Variants in HARS1 observed in about 807,000 individuals in gnomAD.
The protein encoded by HARS1 is histidyl-tRNA synthetase 1, also known as histidine--tRNA ligase, cytoplasmic.
Under a neutral mutation model 63.6 loss-of-function variants are expected in HARS1, and 45 were observed. The observed-to-expected ratio is 0.71, with a 90% CI of 0.56 to 0.91. The LOEUF (loss-of-function observed/expected upper bound fraction) is 0.91. Ranked by LOEUF, HARS1 falls within the 40% of genes least tolerant of loss-of-function variation. The pLI, the probability that HARS1 is intolerant of heterozygous loss-of-function variation, is 0.00. For missense variants in HARS1, 508 were observed against 643.2 expected, an observed-to-expected ratio of 0.79 and a Z score of 2.27; for synonymous variants, 205 against 247.1, an observed-to-expected ratio of 0.83 and a Z score of 1.60.
intron 1 of HARS1, 123 bp downstream of exon 1, chr5:140,691,092 G>A (rs946030995): frequency 1.8e-5 from 17 of 919,518 alleles, no homozygotes; most frequent in Non-Finnish European, 2.6e-5. Flanking sequence ...TCCCCACGCA[G>A]CCCACTCTCC....
In HARS1 at chr5:140,678,994, A is replaced by G. The variant is rs1408058796; in HGVS notation, c.522+8T>C. 14 of 1,613,144 alleles carry G rather than the reference A, an allele frequency of 8.7e-6. No individual in the cohort carries two copies. The highest frequency in any genetic ancestry group is 2.7e-5 in the African/African-American group (2 of 74,862). ...ACTCATCCTGCCCCACGGTTTCCCA[A>G]CACTCACACACTGGTAGAATTCCCG... On this transcript the variant is annotated splice_region_variant and intron_variant, in intron 5 of 12. Coordinates refer to ENST00000504156, the MANE Select transcript of HARS1 (RefSeq NM_002109.6).
chr5:140,680,733 C>T (rs1048824385), intron 3 of HARS1, among the ~76,000 whole-genome samples: 38 of 151,380 alleles, frequency 2.5e-4, no homozygotes, highest in East Asian at 2.0e-4. Flanking sequence ...CCCAGCTATT[C>T]GGAGGCTTAG....
chr5:140,674,347 G>A lies in HARS1; in HGVS notation c.1459-19C>T. ...CATCCACCTGGCCAGGATGGGAGAAGAAGGTGGTATAAGCATCTTCCATTC... is the reference window on the plus strand; with the variant it reads ...CATCCACCTGGCCAGGATGGGAGAAAAAGGTGGTATAAGCATCTTCCATTC... On this transcript the variant is annotated intron_variant, in intron 12 of 12. Transcript: ENST00000504156. The A allele has an allele frequency of 1.9e-6, 3 of 1,562,344 alleles. No individual in the cohort carries two copies. The highest frequency in any genetic ancestry group is 1.8e-6 in the Non-Finnish European group (2 of 1,132,636).
In HARS1 at chr5:140,676,840, A is replaced by G; in HGVS notation, c.1008T>C (p.Tyr336=). ...CTGGGGTCTGTAGCAGCACTGCCTC[A>G]TAGATCACCCCAGTGTAGTAATCCA... The part of the protein sequence containing the change: ...RGLDYYTGVI[Y]EAVLLQTPAQ... The change falls in exon 10 of 13, where the codon TAT becomes TAC. Residue 336 remains tyrosine, a synonymous_variant. Coordinates refer to ENST00000504156, the MANE Select transcript of HARS1 (RefSeq NM_002109.6). The surrounding 1 kb of genome is among the most constrained non-coding windows in gnomAD (Gnocchi z 4.1). 2.5e-6 allele frequency: 4 copies of G among 1,614,236 alleles called. No individual in the cohort carries two copies. The highest frequency in any genetic ancestry group is 2.2e-5 in the East Asian group (1 of 44,888).
intron 2 of HARS1, among the ~76,000 whole-genome samples, chr5:140,689,063 T>C (rs1187222346): frequency 6.6e-6 from 1 of 152,250 alleles, no homozygotes; most frequent in Non-Finnish European, 1.5e-5. Flanking sequence ...TGAAAAATCA[T>C]TGATGATCAC....
At chr5:140,684,844 T>A (rs1459525483) in intron 2 of HARS1, 1 of 152,186 alleles carries the variant, frequency 6.6e-6, no homozygotes, top group Non-Finnish European at 1.5e-5. Context: ...TTAACGCAAA[T>A]AATATTTTAG....
In HARS1 at chr5:140,675,109, T is replaced by C. The variant is rs764221526; in HGVS notation, c.1219A>G (p.Thr407Ala). The C allele has an allele frequency of 3.7e-6, 6 of 1,612,052 alleles. 1 individual carries two copies. Among genetic ancestry groups the C allele is most frequent in the South Asian group, 2.2e-5 (2 of 91,042 alleles). The part of the protein sequence containing the change: ...LEALEEKIRT[T>A]ETQVLVASAQ... ...GATGCCACAAGCACCTGTGTCTCCG[T>C]GGTCCGTATCTTCTCCTCCAAAGCC... The change falls in exon 11 of 13, where the codon ACG becomes GCG. Residue 407 changes from threonine (T) to alanine (A), a missense_variant. By Grantham distance (58) the Thr-to-Ala change is moderately conservative. Coordinates refer to ENST00000504156, the MANE Select transcript of HARS1 (RefSeq NM_002109.6).
chr5:140,679,954 A>G lies in HARS1; in HGVS notation c.301-71T>C. On this transcript the variant is annotated intron_variant, in intron 3 of 12. Transcript: ENST00000504156. The surrounding 1 kb of genome is among the most constrained non-coding windows in gnomAD (Gnocchi z 4.3). Reference sequence around the variant, plus strand: ...ATTTAAAAGGAAGTTTTGAAAACAAACATGACTGATTCCAACTTGTCTACA... The same window carrying G: ...ATTTAAAAGGAAGTTTTGAAAACAAGCATGACTGATTCCAACTTGTCTACA... 1.2e-6 allele frequency: 1 copy of G among 827,994 alleles called. No individual in the cohort carries two copies. The highest frequency in any genetic ancestry group is 2.0e-6 in the Non-Finnish European group (1 of 493,460). The allele number at this position is 827,994 out of a possible 1,614,324, so 51.3% of individuals were successfully genotyped here.
chr5:140,685,527 C>T (rs1044294648), intron 2 of HARS1, among the ~76,000 whole-genome samples: 6 of 151,876 alleles, frequency 4.0e-5, no homozygotes, highest in African/African-American at 7.3e-5. Context: ...CGAGACTATC[C>T]TGGCCAACAT....
intron 5 of HARS1, chr5:140,678,421 T>C (rs559986207): frequency 5.1e-6 from 1 of 194,496 alleles, no homozygotes; most frequent in Non-Finnish European, 1.1e-5. Flanking sequence ...CCAAGAGTTC[T>C]AGTCCTGACT....
chr5:140,686,932 AT>A (rs948387447), intron 2 of HARS1, among the ~76,000 whole-genome samples: 1 of 152,116 alleles, frequency 6.6e-6, no homozygotes, highest in African/African-American at 2.4e-5. Flanking sequence ...GAATACTTGA[AT>A]TTTTTCACTG....
chr5:140,677,142 G>A (rs758544071), intron 8 of HARS1, 26 bp from the exon 9 acceptor site: 3 of 1,612,250 alleles, frequency 1.9e-6, no homozygotes, highest in Non-Finnish European at 2.5e-6. Flanking sequence ...TGTGAGTGAG[G>A]CTGACAAGGA....
intron 3 of HARS1, among the ~76,000 whole-genome samples, chr5:140,680,119 C>T (rs1352793377): frequency 3.3e-5 from 5 of 149,626 alleles, no homozygotes; most frequent in African/African-American, 1.2e-4. Flanking sequence ...TCTTAAAAAT[C>T]TTTTTTTTCT....
Position 140,675,133 on chromosome 5 carries a change from C to A in HARS1, c.1195G>T (p.Ala399Ser), listed in dbSNP as rs1562001863. The change falls in exon 11 of 13, where the codon GCT becomes TCT. Residue 399 changes from alanine (A) to serine (S), a missense_variant and splice_region_variant. Coordinates refer to ENST00000504156, the MANE Select transcript of HARS1 (RefSeq NM_002109.6). ...IFSIVEQRLE[A>S]LEEKIRTTET... ...GTGGTCCGTATCTTCTCCTCCAAAG[C>A]CTGGGGAAGGGGCAGATAAAAGAGA... The A allele has an allele frequency of 6.3e-7, 1 of 1,585,532 alleles. No individual in the cohort carries two copies.
rs112427345 is a variant in HARS1, at chr5:140,683,947, C to A, written c.181-728G>T. On this transcript the variant is annotated intron_variant, in intron 2 of 12. Transcript: ENST00000504156. ...AGGTTGCAGTGAGCCAAGATTGCAC[C>A]ACTGCACTCCAGACTGAGAGACAGA... The A allele has an allele frequency of 8.9e-3, 1,363 of 152,596 alleles. 20 individuals carry two copies. The highest frequency in any genetic ancestry group is 0.031 in the African/African-American group (1,305 of 41,462). The allele number at this position is 152,596 out of a possible 1,614,324, so 9.5% of individuals were successfully genotyped here. A position where few individuals can be genotyped will look rare whatever the true frequency, so the allele number is the denominator to read the frequency against.
chr5:140,677,444 G>A (rs371658011), intron 7 of HARS1, 24 bp from the exon 8 acceptor site: 172 of 1,563,618 alleles, frequency 1.1e-4, no homozygotes, highest in Non-Finnish European at 1.3e-4. Flanking sequence ...CACCAGTCAG[G>A]GACCCCTGGG....
chr5:140,674,485 C>A (rs534457081), intron 12 of HARS1, among the ~76,000 whole-genome samples, 157 bp from the exon 13 acceptor site: 2 of 152,112 alleles, frequency 1.3e-5, no homozygotes, highest in Admixed American at 1.3e-4. Flanking sequence ...CTTGGGGGAG[C>A]CAACAAACCA....
At chr5:140,687,501 G>C (rs985962927) in intron 2 of HARS1, 1 of 151,904 alleles carries the variant, frequency 6.6e-6, no homozygotes, top group African/African-American at 2.4e-5. Context: ...AGCCAAGATC[G>C]TGACACTGAA....
chr5:140,679,714 C>T lies in HARS1; in HGVS notation c.396+74G>A. 1 of 738,022 alleles carries T rather than the reference C, an allele frequency of 1.4e-6. No individual in the cohort carries two copies. The allele number at this position is 738,022 out of a possible 1,614,324, so 45.7% of individuals were successfully genotyped here. A position where few individuals can be genotyped will look rare whatever the true frequency, so the allele number is the denominator to read the frequency against. The stretch of plus-strand genomic sequence containing the variant: ...GGCCTCATATTTGATCCTACCTACT[C>T]TACCATTCTTAAACCTGAGCCAAGT... On this transcript the variant is annotated intron_variant, in intron 4 of 12. Coordinates refer to ENST00000504156, the MANE Select transcript of HARS1 (RefSeq NM_002109.6). This position sits in a 1 kb window ranked among gnomAD's most constrained non-coding sequence, Gnocchi z 4.3.
Sources: allele counts gnomAD v4.1 joint callset (sites outside exome capture counted in the v4.1 genomes callset), GRCh38; gene constraint gnomAD v4.1.1; non-coding constraint Gnocchi (gnomAD v3.1); transcripts MANE v1.5; gene names NCBI Gene and HGNC (gene_info 2026-07-23, HGNC 2026-07-21).